The following KCNN2 variants were observed in gnomAD, a reference collection of about 807,000 sequenced individuals.
KCNN2 encodes the protein small conductance calcium-activated potassium channel protein 2.
Under a neutral mutation model 55.5 loss-of-function variants are expected in KCNN2, and 24 were observed. The observed-to-expected ratio is 0.43, with a 90% confidence interval of 0.31 to 0.61. The LOEUF is 0.61. Ranked by LOEUF, KCNN2 falls within the 20% of genes least tolerant of loss-of-function variation. The pLI, the probability that KCNN2 is intolerant of heterozygous loss-of-function variation, is 0.08. For missense variants in KCNN2, 754 were observed against 853.6 expected, an observed-to-expected ratio of 0.88 and a Z score of 1.45; for synonymous variants, 431 against 336.1, an observed-to-expected ratio of 1.28 and a Z score of -3.09.
chr5:114,383,824 T>G (rs1390068337), intron 2 of KCNN2, among the ~76,000 whole-genome samples: 1 of 152,204 alleles, frequency 6.6e-6, no homozygotes, highest in Non-Finnish European at 1.5e-5. Flanking sequence ...ACATGACTAA[T>G]GAGGAAAATT....
intron 3 of KCNN2, among the ~76,000 whole-genome samples, chr5:114,426,446 G>A (rs1759627920): frequency 6.6e-6 from 1 of 152,100 alleles, no homozygotes; most frequent in South Asian, 2.1e-4. Flanking sequence ...AAAGATACTG[G>A]TCTATAGTTT....
intron 3 of KCNN2, among the ~76,000 whole-genome samples, chr5:114,451,876 G>A (rs1233138288): frequency 6.7e-6 from 1 of 149,004 alleles, no homozygotes; most frequent in Non-Finnish European, 1.5e-5. Flanking sequence ...CAGCCTGGGT[G>A]ACAGAGCAAG....
intron 3 of KCNN2, among the ~76,000 whole-genome samples, chr5:114,413,851 T>G (rs1759214441): frequency 6.6e-6 from 1 of 152,178 alleles, no homozygotes; most frequent in Non-Finnish European, 1.5e-5. Flanking sequence ...CCTAAGTGTT[T>G]TCTGACTTTG....
chr5:114,124,552 C>G (rs1285837578), intron 1 of KCNN2, among the ~76,000 whole-genome samples: 1 of 152,148 alleles, frequency 6.6e-6, no homozygotes, highest in African/African-American at 2.4e-5. Flanking sequence ...AGTAGAAGCT[C>G]TCACCTCTGT....
chr5:114,496,116 C>T lies in KCNN2; in HGVS notation c.2310C>T (p.Ser770=), dbSNP rs137946806. 5 of 1,613,890 alleles carry T rather than the reference C, an allele frequency of 3.1e-6. No individual in the cohort carries two copies. The African/African-American group carries it at 5.3e-5, about 17-fold the overall frequency. ...ACGTCACTTACAATGCTGAGCGGTC[C>T]CGGTCCTCGTCCAGGAGGCGGCGGT... ...DKHVTYNAER[S]RSSSRRRRSS... The change falls in exon 8 of 8, where the codon TCC becomes TCT. Residue 770 remains serine (S), a synonymous_variant. Coordinates refer to ENST00000673685, the MANE Select transcript of KCNN2 (RefSeq NM_021614.4).
chr5:114,379,485 ATATAT>A (rs1758039937), intron 2 of KCNN2, among the ~76,000 whole-genome samples: 1 of 129,174 alleles, frequency 7.7e-6, no homozygotes, highest in Admixed American at 8.5e-5. Context: ...TATTTATAGA[ATATAT>A]TATATAACAT....
intron 1 of KCNN2, among the ~76,000 whole-genome samples, chr5:114,217,631 C>A (rs970312905): frequency 3.9e-5 from 6 of 152,078 alleles, no homozygotes; most frequent in African/African-American, 1.4e-4. Context: ...TAAATGTTAA[C>A]ACGAAAGTAT....
chr5:114,250,522 T>C (rs1229295213), intron 2 of KCNN2, among the ~76,000 whole-genome samples: 1 of 152,212 alleles, frequency 6.6e-6, no homozygotes, highest in Admixed American at 6.5e-5. Flanking sequence ...AGAACAACAT[T>C]AGAGACATTT....
chr5:114,338,288 T>C (rs1345305557), intron 2 of KCNN2, among the ~76,000 whole-genome samples: 1 of 152,196 alleles, frequency 6.6e-6, no homozygotes, highest in Non-Finnish European at 1.5e-5. Context: ...AGGGAGGTGA[T>C]GATAAAGATC....
intron 2 of KCNN2, among the ~76,000 whole-genome samples, chr5:114,340,251 A>C (rs1207729704): frequency 6.6e-6 from 1 of 152,234 alleles, no homozygotes; most frequent in Non-Finnish European, 1.5e-5. Flanking sequence ...AACATGAAGC[A>C]GATTGTCATT....
chr5:114,214,228 A>G lies in KCNN2; in HGVS notation c.-270-7252A>G, dbSNP rs529201533. Among the ~76,000 whole-genome samples, 70 of 151,994 alleles carry G rather than the reference A, an allele frequency of 4.6e-4. 1 individual carries two copies. The highest frequency in any genetic ancestry group is 1.6e-3 in the African/African-American group (65 of 41,502). ...CAGTCTCTGTTGAAATTACTCAGATATGTCATTGTAGCATGAAGACAGCTA... is the reference window on the plus strand; with the variant it reads ...CAGTCTCTGTTGAAATTACTCAGATGTGTCATTGTAGCATGAAGACAGCTA... On this transcript the variant is annotated intron_variant, in intron 1 of 10. Coordinates refer to the KCNN2 transcript ENST00000512097.
At chr5:114,156,793 T>C (rs1377723470) in intron 1 of KCNN2, among the ~76,000 whole-genome samples, 1 of 152,056 alleles carries the variant, frequency 6.6e-6, no homozygotes, top group Non-Finnish European at 1.5e-5. Context: ...TTTATTAATA[T>C]GTTGTAAGAT....
At chr5:114,180,257 C>A (rs1753214108) in intron 1 of KCNN2, among the ~76,000 whole-genome samples, 1 of 152,036 alleles carries the variant, frequency 6.6e-6, no homozygotes, top group Non-Finnish European at 1.5e-5. Context: ...CTTCTCTACC[C>A]AGAACTTCAG....
chr5:114,244,607 G>A (rs1488465855), intron 2 of KCNN2, among the ~76,000 whole-genome samples: 1 of 151,732 alleles, frequency 6.6e-6, no homozygotes, highest in Non-Finnish European at 1.5e-5. Context: ...CGGGCATGGG[G>A]GGTTATTGGG....
At chr5:114,270,600 G>T (rs1372692134) in intron 2 of KCNN2, among the ~76,000 whole-genome samples, 1 of 152,112 alleles carries the variant, frequency 6.6e-6, no homozygotes. Flanking sequence ...AATCATTAAG[G>T]ACTAAATTAT....
intron 2 of KCNN2, among the ~76,000 whole-genome samples, chr5:114,293,012 G>C (rs1164518609): frequency 6.6e-6 from 1 of 152,156 alleles, no homozygotes; most frequent in African/African-American, 2.4e-5. Context: ...TGGTGCATAA[G>C]AATGCTTGTA....
rs184981027 is a variant in KCNN2, at chr5:114,295,388, C to T, written c.-184-65557C>T. 6.5e-4 allele frequency among the ~76,000 whole-genome samples: 99 copies of T among 152,296 alleles called. 2 individuals are homozygous for T. The highest frequency in any genetic ancestry group is 2.1e-3 in the African/African-American group (87 of 41,560). Reference sequence around the variant, plus strand: ...TTCCAGGCTGCTTTGTTTACCTCATCGAGCCTGGGCAATGGCAGGCACCCC... The same window carrying T: ...TTCCAGGCTGCTTTGTTTACCTCATTGAGCCTGGGCAATGGCAGGCACCCC... On this transcript the variant is annotated intron_variant, in intron 2 of 10. Coordinates refer to the KCNN2 transcript ENST00000512097.
intron 1 of KCNN2, among the ~76,000 whole-genome samples, chr5:114,148,043 A>G (rs951291845): frequency 5.9e-5 from 9 of 152,216 alleles, no homozygotes; most frequent in Admixed American, 3.3e-4. Context: ...GTAACACAGT[A>G]CTGACAAACA....
intron 2 of KCNN2, among the ~76,000 whole-genome samples, chr5:114,260,966 A>G (rs1755096658): frequency 6.6e-6 from 1 of 152,126 alleles, no homozygotes; most frequent in Non-Finnish European, 1.5e-5. Context: ...CTTTAGGAAC[A>G]TGTGGCATAA....
Sources: allele counts gnomAD v4.1 joint callset (sites outside exome capture counted in the v4.1 genomes callset), GRCh38; gene constraint gnomAD v4.1.1; transcripts MANE v1.5; gene names NCBI Gene and HGNC (gene_info 2026-07-23, HGNC 2026-07-21).